NCOR2: variants seen among roughly 807,000 people sequenced by gnomAD.
NCOR2 encodes CTG repeat protein 26.
In NCOR2, 81 loss-of-function variants were observed where a neutral mutation model predicts 262.9. The observed-to-expected ratio is 0.31, with a 90% CI of 0.26 to 0.37. NCOR2 has a LOEUF of 0.37. Ranked by LOEUF, NCOR2 falls within the 10% of genes least tolerant of loss-of-function variation. The probability of loss-of-function intolerance (pLI) is 1.00; values close to 1 mark genes in which losing one functional copy is unlikely to be tolerated. For missense variants in NCOR2, 3,385 were observed against 3,621.4 expected (o/e 0.93, Z 1.68); for synonymous variants, 1,659 against 1,559.3 (o/e 1.06, Z -1.51).
intron 16 of NCOR2, among the ~76,000 whole-genome samples, chr12:124,395,529 G>C (rs961967616): frequency 6.6e-6 from 1 of 152,252 alleles, no homozygotes; most frequent in African/African-American, 2.4e-5. Context: ...GCAGGACCCA[G>C]GATGAGCTCA....
exon 41 of NCOR2, chr12:124,334,587 G>T (rs998919085): frequency 7.1e-7 from 1 of 1,408,200 alleles, no homozygotes; most frequent in South Asian, 1.6e-5. Context: ...TGCTGTGGGT[G>T]GTGCCGGGTG....
At chr12:124,512,803 A>G (rs1211300911) in intron 1 of NCOR2, among the ~76,000 whole-genome samples, 3 of 152,154 alleles carry the variant, frequency 2.0e-5, no homozygotes, top group South Asian at 2.1e-4. Flanking sequence ...GCCGCTGGGT[A>G]TTGGCCTCCC....
At chr12:124,421,580 T>C (rs987822721) in intron 12 of NCOR2, among the ~76,000 whole-genome samples, 2 of 152,168 alleles carry the variant, frequency 1.3e-5, no homozygotes, top group Non-Finnish European at 2.9e-5. Context: ...AGCTGTCCTT[T>C]AAAATAAGTG....
At chr12:124,424,548 C>T (rs1485635063) in intron 11 of NCOR2, among the ~76,000 whole-genome samples, 2 of 152,158 alleles carry the variant, frequency 1.3e-5, no homozygotes, top group Admixed American at 6.5e-5. Context: ...TCAACATTTC[C>T]ATAATCAAAA....
exon 28 of NCOR2, chr12:124,350,587 C>A: frequency 6.2e-7 from 1 of 1,612,668 alleles, no homozygotes; most frequent in Non-Finnish European, 8.5e-7. Flanking sequence ...TGCGACTCAC[C>A]CTCATAGGAC....
At chr12:124,427,011 G>T (rs1042236246) in intron 10 of NCOR2, among the ~76,000 whole-genome samples, 18 of 152,216 alleles carry the variant, frequency 1.2e-4, no homozygotes, top group African/African-American at 4.1e-4. Context: ...CAGGTTTATG[G>T]TGGGCAGGAC....
intron 1 of NCOR2, among the ~76,000 whole-genome samples, chr12:124,500,872 C>T (rs1043281506): frequency 3.3e-5 from 5 of 152,082 alleles, no homozygotes; most frequent in Non-Finnish European, 7.4e-5. Context: ...AGGATGTGCC[C>T]GGAGCGCTCA....
chr12:124,363,687 G>A, exon 21 of NCOR2: 2 of 1,391,650 alleles, frequency 1.4e-6, no homozygotes, highest in Non-Finnish European at 9.4e-7. Context: ...ACGATGGGGG[G>A]GATGGCAGCC....
In NCOR2 at chr12:124,462,561, C is replaced by A. The variant is rs570648495; in HGVS notation, c.705+3612G>T. Among the ~76,000 whole-genome samples, 5 of 152,364 alleles carry A rather than the reference C, an allele frequency of 3.3e-5. No homozygotes were observed. In the East Asian group the frequency reaches 9.6e-4, roughly 29 times the overall value. On this transcript the variant is annotated intron_variant, in intron 5 of 46. Transcript: ENST00000405201. ...GCCTCGCGGGGCTGAAACGGACAAT[C>A]TGAAAGAACCCCTGGACCCTGGGGG... is the stretch of plus-strand genomic sequence containing the variant.
intron 17 of NCOR2, among the ~76,000 whole-genome samples, chr12:124,379,325 A>G (rs2040245407): frequency 6.6e-6 from 1 of 152,154 alleles, no homozygotes; most frequent in African/African-American, 2.4e-5. Flanking sequence ...CTTAGGCACC[A>G]TCATCAAACC....
exon 32 of NCOR2, chr12:124,344,769 G>T: frequency 6.5e-7 from 1 of 1,549,750 alleles, no homozygotes; most frequent in African/African-American, 1.4e-5. Context: ...AGCTGCTGGC[G>T]GTCCCTGGCC....
rs529332544 is a variant in NCOR2, at chr12:124,389,810, G to A, written c.1877-3923C>T. 1.5e-4 allele frequency among the ~76,000 whole-genome samples: 23 copies of A among 152,256 alleles called. No homozygotes were observed. Among genetic ancestry groups the A allele is most frequent in the African/African-American group, 5.3e-4 (22 of 41,540 alleles). On this transcript the variant is annotated intron_variant, in intron 16 of 46. Coordinates refer to ENST00000405201, the Ensembl canonical transcript of NCOR2. This position sits in a 1 kb window ranked among gnomAD's most constrained non-coding sequence, Gnocchi z 4.4. The stretch of plus-strand genomic sequence containing the variant: ...AGCCCTCTGCTGCTGGGGGGGTCTC[G>A]GGACCACAGCTGCCCCTTTCGTCCT...
chr12:124,372,441 G>A (rs2039578673), exon 20 of NCOR2: 2 of 1,532,444 alleles, frequency 1.3e-6, no homozygotes, highest in East Asian at 4.5e-5. Flanking sequence ...AGGCCGGGGT[G>A]GGCTCAGTGG....
chr12:124,338,463 G>GT (rs2036082214), intron 37 of NCOR2, among the ~76,000 whole-genome samples: 1 of 146,694 alleles, frequency 6.8e-6, no homozygotes, highest in Non-Finnish European at 1.5e-5. Context: ...AGCAGAGATC[G>GT]TACCACTGCA....
exon 20 of NCOR2, chr12:124,372,519 T>G (rs2039582491): frequency 6.3e-7 from 1 of 1,588,074 alleles, no homozygotes; most frequent in African/African-American, 1.4e-5. Flanking sequence ...CCAGGGTGGC[T>G]GGGGGCTTGG....
At position 124,504,585 on chromosome 12, in the gene NCOR2, A is replaced by G. The variant is rs2048944944; in HGVS notation, c.-117-9217T>C. 6.6e-6 allele frequency among the ~76,000 whole-genome samples: 1 copy of G among 152,226 alleles called. No individual in the cohort carries two copies. Among genetic ancestry groups the G allele is most frequent in the South Asian group, 2.1e-4 (1 of 4,834 alleles). ...TGACAAAACAAACAGAAAGGATTAG[A>G]ATGCCCACAGCAGCACTATTTACAT... On this transcript the variant is annotated intron_variant, in intron 1 of 46. Coordinates refer to the NCOR2 transcript ENST00000404621. This position sits in a 1 kb window ranked among gnomAD's most constrained non-coding sequence, Gnocchi z 4.5.
At chr12:124,346,696 C>G (rs768218509) in exon 31 of NCOR2, 3 of 1,571,960 alleles carry the variant, frequency 1.9e-6, no homozygotes, top group Non-Finnish European at 2.6e-6. Context: ...CCTCATGGGC[C>G]GGCTTCAGCT....
chr12:124,453,345 G>C (rs1184279730), intron 6 of NCOR2, among the ~76,000 whole-genome samples: 2 of 152,200 alleles, frequency 1.3e-5, no homozygotes, highest in Non-Finnish European at 2.9e-5. Flanking sequence ...CGCCAGTGAG[G>C]GAATCGAGGC....
chr12:124,516,812 G>C (rs2049827787), intron 1 of NCOR2, among the ~76,000 whole-genome samples: 1 of 152,150 alleles, frequency 6.6e-6, no homozygotes, highest in Admixed American at 6.5e-5. Flanking sequence ...CCTCAGACCA[G>C]GTGCCGGTAT....
Sources: gnomAD v4.1 joint callset for allele counts (sites outside exome capture counted in the v4.1 genomes callset) on GRCh38, gnomAD v4.1.1 for gene constraint, Gnocchi (gnomAD v3.1) non-coding constraint, MANE v1.5 for transcripts, NCBI Gene and HGNC (gene_info 2026-07-23, HGNC 2026-07-21) for gene names.